The following CCDC178 variants were observed in gnomAD, a reference collection of about 807,000 sequenced individuals.
The protein encoded by CCDC178 is coiled-coil domain containing 178.
In CCDC178, 126 loss-of-function variants were observed where a neutral mutation model predicts 117.4. The ratio of observed to expected loss-of-function variants is 1.07; its 90% CI spans 0.93 to 1.24. The LOEUF is 1.24. CCDC178 is among the 50% of genes most tolerant of loss of function. The pLI is 0.00. For missense variants in CCDC178, 1,030 were observed against 986.9 expected (o/e 1.04, Z -0.59); for synonymous variants, 283 against 313.4 (o/e 0.90, Z 1.02).
At chr18:32,946,722 G>GTT (rs1413467659) in intron 22 of CCDC178, among the ~76,000 whole-genome samples, 3 of 30,028 alleles carry the variant, frequency 1.0e-4, no homozygotes, top group African/African-American at 2.1e-4. Flanking sequence ...TGGTTTTTTG[G>GTT]GTTTTTTTTT....
chr18:33,173,544 T>C (rs1392359278), intron 20 of CCDC178, among the ~76,000 whole-genome samples: 1 of 152,234 alleles, frequency 6.6e-6, no homozygotes, highest in East Asian at 1.9e-4. Context: ...GCTCTTGTTA[T>C]GCTTTTTTCC....
chr18:33,049,907 C>A (rs575107927), intron 21 of CCDC178, among the ~76,000 whole-genome samples: 1 of 151,252 alleles, frequency 6.6e-6, no homozygotes, highest in Admixed American at 6.6e-5. Context: ...CATGGTGAAA[C>A]CCTGTCTCTA....
intron 10 of CCDC178, among the ~76,000 whole-genome samples, chr18:33,328,270 T>A (rs1376689313): frequency 6.6e-6 from 1 of 151,788 alleles, no homozygotes; most frequent in South Asian, 2.1e-4. Context: ...ACCCAGCTAA[T>A]TTTTGTATTT....
chr18:32,980,498 A>G (rs377733816), intron 21 of CCDC178, among the ~76,000 whole-genome samples: 14 of 140,952 alleles, frequency 9.9e-5, no homozygotes, highest in Middle Eastern at 3.9e-3. Context: ...GTGAACCCGG[A>G]AGGCGGAGCT....
intron 21 of CCDC178, among the ~76,000 whole-genome samples, chr18:33,018,087 A>C (rs2144818660): frequency 6.6e-6 from 1 of 152,176 alleles, no homozygotes; most frequent in South Asian, 2.1e-4. Context: ...ACAAGTCAAT[A>C]AAAAGGCAAA....
chr18:33,066,459 A>G (rs1351079200), intron 21 of CCDC178, among the ~76,000 whole-genome samples: 1 of 152,242 alleles, frequency 6.6e-6, no homozygotes, highest in Non-Finnish European at 1.5e-5. Context: ...ATTAACTAGT[A>G]TAATTAAGAC....
At chr18:33,354,125 C>T (rs538826248) in intron 7 of CCDC178, among the ~76,000 whole-genome samples, 17 of 152,236 alleles carry the variant, frequency 1.1e-4, no homozygotes, top group African/African-American at 3.9e-4. Context: ...ATTCTGACTT[C>T]CACAATTCCT....
chr18:33,371,243 T>C (rs184680018), intron 5 of CCDC178, among the ~76,000 whole-genome samples: 3 of 151,890 alleles, frequency 2.0e-5, no homozygotes, highest in African/African-American at 7.2e-5. Context: ...GTGTTCAGTC[T>C]ATTCTACAAT....
chr18:33,432,478 TACACACACACACACACACACACAC>T (rs56111462), intron 2 of CCDC178, among the ~76,000 whole-genome samples: 1 of 143,312 alleles, frequency 7.0e-6, no homozygotes, highest in Non-Finnish European at 1.5e-5. Flanking sequence ...GCCTTCTCCA[TACACACACACACACACACACACAC>T]ACACACACAC....
intron 19 of CCDC178, among the ~76,000 whole-genome samples, chr18:33,212,813 A>G (rs2059123517): frequency 6.6e-6 from 1 of 151,992 alleles, no homozygotes; most frequent in Admixed American, 6.6e-5. Context: ...GTAGTTATGT[A>G]AGGAACAATA....
chr18:32,937,980 T>C lies in CCDC178; in HGVS notation c.*31A>G, dbSNP rs767355195. 2 of 1,518,004 alleles carry C rather than the reference T, an allele frequency of 1.3e-6. No individual in the cohort carries two copies. Among genetic ancestry groups the C allele is most frequent in the African/African-American group, 2.8e-5 (2 of 72,192 alleles). The allele number at this position is 1,518,004 out of a possible 1,614,324, so 94.0% of individuals were successfully genotyped here. ...ACTGTGTGACTTTTCTTGTCTTTTA[T>C]TTCAGCATCCAAGATACATTGGTTG... On this transcript the variant is annotated 3_prime_UTR_variant, in exon 23 of 23. Transcript: ENST00000383096.
rs565920903 is a variant in CCDC178, at chr18:33,044,053, G to GTGTGTGTGTGTGTGTA, written c.2388+48692_2388+48707dup. 6.4e-4 allele frequency among the ~76,000 whole-genome samples: 97 copies of GTGTGTGTGTGTGTGTA among 151,426 alleles called. 2 individuals are homozygous for GTGTGTGTGTGTGTGTA. In the South Asian group the frequency reaches 0.02, roughly 32 times the overall value. On this transcript the variant is annotated intron_variant, in intron 21 of 22. Transcript: ENST00000383096. The stretch of plus-strand genomic sequence containing the variant: ...TACACACACACACCAGCATATGTGT[G>GTGTGTGTGTGTGTGTA]TGTGTGTGTGTGTGTATGTGTGTGT...
At chr18:33,351,149 T>TGTGTGC (rs1491526829) in intron 7 of CCDC178, among the ~76,000 whole-genome samples, 3 of 548 alleles carry the variant, frequency 5.5e-3, no homozygotes, top group African/African-American at 9.0e-3. Context: ...CTGATCATGA[T>TGTGTGC]GTGTGTGTGT....
At chr18:33,382,994 AG>A (rs113039076) in intron 5 of CCDC178, among the ~76,000 whole-genome samples, 2,439 of 151,666 alleles carry the variant, frequency 0.016, 62 homozygotes, top group African/African-American at 0.055. Flanking sequence ...AGGCAGGGGC[AG>A]GGGGAGGGGA....
At chr18:33,437,564 G>C (rs1375864371) in intron 2 of CCDC178, 1 of 152,152 alleles carries the variant, frequency 6.6e-6, no homozygotes, top group Non-Finnish European at 1.5e-5. Flanking sequence ...CACACATTCA[G>C]TAAGTACCCA....
chr18:33,382,011 T>G (rs866794651), intron 5 of CCDC178, among the ~76,000 whole-genome samples: 1 of 152,350 alleles, frequency 6.6e-6, no homozygotes, highest in Middle Eastern at 3.4e-3. Context: ...TGCCGTCTTA[T>G]AAATCTGTTC....
chr18:33,335,075 T>G (rs891229043), intron 9 of CCDC178, among the ~76,000 whole-genome samples: 14 of 152,074 alleles, frequency 9.2e-5, no homozygotes, highest in African/African-American at 2.7e-4. Flanking sequence ...CATTATGCTC[T>G]TTCTACTGAG....
intron 11 of CCDC178, among the ~76,000 whole-genome samples, chr18:33,316,943 G>C (rs2062427395): frequency 6.6e-6 from 1 of 152,122 alleles, no homozygotes; most frequent in Non-Finnish European, 1.5e-5. Flanking sequence ...CTAGCTCAGG[G>C]ATTGTAAACG....
At chr18:33,014,231 T>C (rs1267136062) in intron 21 of CCDC178, among the ~76,000 whole-genome samples, 1 of 152,214 alleles carries the variant, frequency 6.6e-6, no homozygotes, top group East Asian at 1.9e-4. Context: ...CTATTTGATC[T>C]GCCCAGAAAC....
Sources: gnomAD v4.1 joint callset for allele counts (sites outside exome capture counted in the v4.1 genomes callset) on GRCh38, gnomAD v4.1.1 for gene constraint, MANE v1.5 for transcripts, NCBI Gene and HGNC (gene_info 2026-07-23, HGNC 2026-07-21) for gene names.